PSMD1: variants seen among roughly 807,000 people sequenced by gnomAD.
PSMD1 encodes proteasome 26S subunit, non-ATPase 1.
Under a neutral mutation model 119.0 loss-of-function variants are expected in PSMD1, and 18 were observed. That is an observed-to-expected ratio of 0.15 (90% CI 0.10 to 0.22). The LOEUF is 0.22. PSMD1 is among the 10% of genes least tolerant of loss of function. The probability of loss-of-function intolerance (pLI) is 1.00; values close to 1 mark genes in which losing one functional copy is unlikely to be tolerated. For missense variants in PSMD1, 702 were observed against 1,158.5 expected (o/e 0.61, Z 5.72); for synonymous variants, 374 against 396.6 (o/e 0.94, Z 0.68).
At chr2:231,144,418 A>ATTTTTTTTT (rs751682132) in intron 17 of PSMD1, among the ~76,000 whole-genome samples, 929 of 75,242 alleles carry the variant, frequency 0.012, 4 homozygotes, top group Non-Finnish European at 0.017. Flanking sequence ...CGCCCAGCTA[A>ATTTTTTTTT]TTTTTTTTTT....
At chr2:231,130,366 A>G (rs532364856) in intron 16 of PSMD1, among the ~76,000 whole-genome samples, 1 of 152,346 alleles carries the variant, frequency 6.6e-6, no homozygotes, top group East Asian at 1.9e-4. Flanking sequence ...TTGTCTACCA[A>G]GTATTGATTT....
chr2:231,064,756 C>T (rs748102657), intron 4 of PSMD1, among the ~76,000 whole-genome samples: 1 of 152,218 alleles, frequency 6.6e-6, no homozygotes, highest in Non-Finnish European at 1.5e-5. Context: ...ACCTCCACCT[C>T]CCTGGTTCAA....
intron 16 of PSMD1, among the ~76,000 whole-genome samples, chr2:231,118,458 A>G (rs1010632148): frequency 1.4e-4 from 21 of 152,338 alleles, no homozygotes; most frequent in African/African-American, 3.1e-4. Flanking sequence ...TTAACTTTCA[A>G]TTGAATTTGT....
intron 16 of PSMD1, among the ~76,000 whole-genome samples, chr2:231,133,868 G>T (rs977902928): frequency 4.6e-5 from 7 of 152,184 alleles, no homozygotes; most frequent in Non-Finnish European, 1.0e-4. Flanking sequence ...ATTCATATGT[G>T]CAGTTTATGG....
chr2:231,065,161 T>G (rs1487428156), intron 4 of PSMD1, among the ~76,000 whole-genome samples: 3 of 151,300 alleles, frequency 2.0e-5, no homozygotes, highest in African/African-American at 7.3e-5. Flanking sequence ...CTAATAAATC[T>G]TGCCCTCGTC....
chr2:231,089,516 G>A (rs999084771), intron 16 of PSMD1, among the ~76,000 whole-genome samples: 18 of 151,968 alleles, frequency 1.2e-4, no homozygotes, highest in Admixed American at 5.2e-4. Flanking sequence ...GCTGTTCTAC[G>A]TGTTCTAGAA....
chr2:231,075,819 G>A (rs1694148995), intron 8 of PSMD1, among the ~76,000 whole-genome samples: 1 of 152,176 alleles, frequency 6.6e-6, no homozygotes, highest in Non-Finnish European at 1.5e-5. Context: ...CTGAGCTCAA[G>A]CAATCCGTTT....
chr2:231,083,122 A>C, intron 13 of PSMD1, 128 bp downstream of exon 13: 1 of 752,692 alleles, frequency 1.3e-6, no homozygotes. Context: ...AGAGGAAGTG[A>C]ATTTTGCTCC....
rs376805338 is a variant in PSMD1, at chr2:231,097,887, TCCAGCAAAGGTCCA to T, written c.1883+10710_1883+10723del. ...TGCACTCCAGTTATTTGGCAGAGTGTCCAGCAAAGGTCCACCACAATACCACCACACATCTGCTT... is the reference window on the plus strand; with the variant it reads ...TGCACTCCAGTTATTTGGCAGAGTGTCCACAATACCACCACACATCTGCTT... On this transcript the variant is annotated intron_variant, in intron 16 of 24. Coordinates refer to ENST00000308696, the MANE Select transcript of PSMD1 (RefSeq NM_002807.4). 7.3e-3 allele frequency among the ~76,000 whole-genome samples: 1,113 copies of T among 152,254 alleles called. 20 individuals are homozygous for T. The highest frequency in any genetic ancestry group is 0.026 in the African/African-American group (1,070 of 41,530).
At chr2:231,131,489 G>A (rs1423828387) in intron 16 of PSMD1, among the ~76,000 whole-genome samples, 2 of 46,240 alleles carry the variant, frequency 4.3e-5, no homozygotes, top group South Asian at 1.3e-3. Context: ...CTTGCCGGGC[G>A]CGGTGGCTCA....
chr2:231,097,085 C>CT (rs1353571703), intron 16 of PSMD1, among the ~76,000 whole-genome samples: 10 of 152,170 alleles, frequency 6.6e-5, no homozygotes, highest in African/African-American at 2.4e-4. Context: ...TCTTTTCAAA[C>CT]TTTTTTACAA....
At position 231,064,516 on chromosome 2, in the gene PSMD1, A is replaced by G. The variant is rs554786837; in HGVS notation, c.304+1841A>G. On this transcript the variant is annotated intron_variant, in intron 4 of 24. Transcript: ENST00000308696. ...CTAAGGAAAATTCCCCAAATGTTCT[A>G]ATTTTGAGGTTCCTCTCTGATGGGG... Among the ~76,000 whole-genome samples, 79 of 152,308 alleles carry G rather than the reference A, an allele frequency of 5.2e-4. 2 individuals are homozygous for G. In the South Asian group the frequency reaches 0.015, roughly 30 times the overall value.
At chr2:231,111,843 C>T (rs1264064008) in intron 16 of PSMD1, among the ~76,000 whole-genome samples, 2 of 152,160 alleles carry the variant, frequency 1.3e-5, no homozygotes, top group African/African-American at 4.8e-5. Flanking sequence ...TCTTTTTTCT[C>T]CTGCATCACT....
chr2:231,112,423 A>G (rs1399803109), intron 16 of PSMD1, among the ~76,000 whole-genome samples: 1 of 152,230 alleles, frequency 6.6e-6, no homozygotes, highest in South Asian at 2.1e-4. Context: ...TTTTCTTCCC[A>G]TACCAGAGGA....
At chr2:231,105,613 T>C (rs934865721) in intron 16 of PSMD1, among the ~76,000 whole-genome samples, 2 of 152,190 alleles carry the variant, frequency 1.3e-5, no homozygotes, top group Non-Finnish European at 2.9e-5. Context: ...TGTTATAATA[T>C]GGCATTAAAT....
At chr2:231,126,575 C>T (rs1695725530) in intron 16 of PSMD1, among the ~76,000 whole-genome samples, 1 of 152,064 alleles carries the variant, frequency 6.6e-6, no homozygotes, top group South Asian at 2.1e-4. Context: ...ATAGCAGCAC[C>T]ATTTTATATC....
intron 16 of PSMD1, among the ~76,000 whole-genome samples, chr2:231,092,164 G>T (rs1336955398): frequency 6.6e-6 from 1 of 152,148 alleles, no homozygotes; most frequent in East Asian, 1.9e-4. Context: ...GGTCTGACCT[G>T]GGACGGGGCA....
intron 16 of PSMD1, among the ~76,000 whole-genome samples, chr2:231,098,954 C>A (rs763831559): frequency 1.3e-4 from 20 of 152,086 alleles, no homozygotes; most frequent in Non-Finnish European, 2.4e-4. Context: ...TTCTGAATAT[C>A]TTTTTTACAT....
intron 4 of PSMD1, 106 bp from the exon 5 acceptor site, chr2:231,066,800 C>T (rs759161932): frequency 9.6e-6 from 9 of 934,916 alleles, no homozygotes; most frequent in Non-Finnish European, 1.4e-5. Flanking sequence ...TTGCTTATTG[C>T]TTTATAGTCA....
Sources: gnomAD v4.1 joint callset for allele counts (sites outside exome capture counted in the v4.1 genomes callset) on GRCh38, gnomAD v4.1.1 for gene constraint, MANE v1.5 for transcripts, NCBI Gene and HGNC (gene_info 2026-07-23, HGNC 2026-07-21) for gene names.